SF3B1: variants seen among roughly 807,000 people sequenced by gnomAD.
SF3B1 encodes splicing factor 3b subunit 1.
SF3B1 carries 12 observed loss-of-function variants against 153.8 expected under a neutral mutation model. The observed-to-expected ratio is 0.08, with a 90% CI of 0.05 to 0.13. The LOEUF is 0.13. Ranked by LOEUF, SF3B1 falls within the 10% of genes least tolerant of loss-of-function variation. The probability of loss-of-function intolerance (pLI) is 1.00; values close to 1 mark genes in which losing one functional copy is unlikely to be tolerated. For missense variants in SF3B1, 513 were observed against 1,606.1 expected (o/e 0.32, Z 11.63); for synonymous variants, 498 against 525.2 (o/e 0.95, Z 0.71).
intron 5 of SF3B1, among the ~76,000 whole-genome samples, chr2:197,418,101 T>G (rs545260128): frequency 6.6e-6 from 1 of 151,494 alleles, no homozygotes; most frequent in Non-Finnish European, 1.5e-5. Context: ...CTAGGCATGG[T>G]GACACACACT....
chr2:197,418,947 G>C (rs1442698254), intron 4 of SF3B1: 1 of 1,599,208 alleles, frequency 6.3e-7, no homozygotes, highest in African/African-American at 1.3e-5. Context: ...CAGCAGAATA[G>C]AAGCCTAGAA....
In SF3B1 at chr2:197,432,264, G is replaced by T. The variant is rs574598964; in HGVS notation, c.28+2708C>A. Among the ~76,000 whole-genome samples the T allele has an allele frequency of 2.6e-5, 4 of 152,302 alleles. No individual in the cohort carries two copies. The South Asian group carries it at 6.2e-4, about 24-fold the overall frequency. Reference sequence around the variant, plus strand: ...ATGTCCCAAAAAATCTAATTCAAAGGATTAGTGGCAAAACAAGCTGATATG... The same window carrying T: ...ATGTCCCAAAAAATCTAATTCAAAGTATTAGTGGCAAAACAAGCTGATATG... On this transcript the variant is annotated intron_variant, in intron 1 of 24. Coordinates refer to ENST00000335508, the MANE Select transcript of SF3B1 (RefSeq NM_012433.4).
At chr2:197,416,446 G>T in intron 6 of SF3B1, 1 of 254,664 alleles carries the variant, frequency 3.9e-6, no homozygotes, top group Non-Finnish European at 7.4e-6. Flanking sequence ...GGGTCATGAG[G>T]GTGGGGCCCT....
rs35479143 is a variant in SF3B1 at position 197,415,981 on chromosome 2, A to AT, written c.666+759dup. ...AGGCATGCACCACTATGCCCAGCTA[A>AT]TTTTTTTTTTTTTTTTTGTAAAGAC... is the stretch of plus-strand genomic sequence containing the variant. On this transcript the variant is annotated intron_variant, in intron 6 of 24. Coordinates refer to ENST00000335508, the MANE Select transcript of SF3B1 (RefSeq NM_012433.4). 3.6e-3 allele frequency among the ~76,000 whole-genome samples: 495 copies of AT among 136,366 alleles called. 6 individuals carry two copies. In the South Asian group the frequency reaches 0.041, roughly 11 times the overall value. 89.5% of individuals were successfully genotyped at this position (136,366 alleles called of 152,430 possible).
At chr2:197,411,388 T>A (rs2085065318) in intron 6 of SF3B1, among the ~76,000 whole-genome samples, 1 of 151,978 alleles carries the variant, frequency 6.6e-6, no homozygotes, top group South Asian at 2.1e-4. Context: ...AGTTGGGAGC[T>A]CTTGGCCGGG....
intron 20 of SF3B1, 165 bp from the exon 21 acceptor site, chr2:197,398,746 T>C (rs989741910): frequency 1.4e-4 from 90 of 644,286 alleles, no homozygotes; most frequent in African/African-American, 1.1e-3. Flanking sequence ...CGTTTTTAAC[T>C]TTTATTAACA....
rs2084958023 is a variant in SF3B1, at chr2:197,403,568, T to C, written c.1719+17A>G. ...TAAAACTTTAAACTATCAGAAACAC[T>C]ATTAAGGAGAACAAACCTTATGCAC... On this transcript the variant is annotated intron_variant, in intron 12 of 24. Coordinates refer to ENST00000335508, the MANE Select transcript of SF3B1 (RefSeq NM_012433.4). The C allele has an allele frequency of 7.3e-6, 11 of 1,509,520 alleles. No homozygotes were observed. Among genetic ancestry groups the C allele is most frequent in the Non-Finnish European group, 8.9e-6 (10 of 1,128,272 alleles). The allele number at this position is 1,509,520 out of a possible 1,614,324, so 93.5% of individuals were successfully genotyped here.
Position 197,410,747 on chromosome 2 carries a change from A to G in SF3B1, c.667-740T>C, listed in dbSNP as rs1296845609. On this transcript the variant is annotated intron_variant, in intron 6 of 24. Coordinates refer to ENST00000335508, the MANE Select transcript of SF3B1 (RefSeq NM_012433.4). ...TCTCGAACTCCTGACCTCGTGATCC[A>G]CCCACCTTGGCCTCCCAAAGTGCTG... 3.3e-5 allele frequency among the ~76,000 whole-genome samples: 5 copies of G among 151,806 alleles called. No homozygotes were observed. The East Asian group carries it at 9.7e-4, about 29-fold the overall frequency.
rs1233697497 is a variant in SF3B1 at position 197,401,906 on chromosome 2, A to T, written c.2224-18T>A. On this transcript the variant is annotated intron_variant, in intron 15 of 24. Transcript: ENST00000335508. This position sits in a 1 kb window ranked among gnomAD's most constrained non-coding sequence, Gnocchi z 4.2. Reference sequence around the variant, plus strand: ...GCCAAACCCTATTTTTAAATAAAAAATATATGTACTTTAGTAATTTAGATT... The same window carrying T: ...GCCAAACCCTATTTTTAAATAAAAATTATATGTACTTTAGTAATTTAGATT... The T allele has an allele frequency of 6.3e-6, 10 of 1,584,574 alleles. 1 individual carries two copies. The African/African-American group carries it at 9.6e-5, about 15-fold the overall frequency.
chr2:197,397,850 G>A, intron 22 of SF3B1, 135 bp downstream of exon 22: 1 of 559,694 alleles, frequency 1.8e-6, no homozygotes, highest in South Asian at 3.3e-5. Flanking sequence ...AAGGTCAGTG[G>A]TTAAATGAAG....
chr2:197,391,441 G>T lies in SF3B1; in HGVS notation c.*862C>A, dbSNP rs1176760207. The T allele has an allele frequency of 1.3e-5, 2 of 152,196 alleles. No homozygotes were observed. Among genetic ancestry groups the T allele is most frequent in the Non-Finnish European group, 2.9e-5 (2 of 68,046 alleles). 9.4% of individuals were successfully genotyped at this position (152,196 alleles called of 1,614,324 possible). ...TGGCTGGCATACAGTGGGTGAATAGGTATTTACTGATGCATTGCTGAGTAG... is the reference window on the plus strand; with the variant it reads ...TGGCTGGCATACAGTGGGTGAATAGTTATTTACTGATGCATTGCTGAGTAG... On this transcript the variant is annotated 3_prime_UTR_variant, in exon 25 of 25. Coordinates refer to ENST00000335508, the MANE Select transcript of SF3B1 (RefSeq NM_012433.4).
chr2:197,399,954 C>G, intron 20 of SF3B1, 101 bp downstream of exon 20: 2 of 803,692 alleles, frequency 2.5e-6, no homozygotes, highest in Admixed American at 5.6e-5. Flanking sequence ...AAAAAGCTAA[C>G]AAAAACCTCC....
At chr2:197,397,633 T>TA (rs1425228946) in intron 22 of SF3B1, among the ~76,000 whole-genome samples, 1 of 151,930 alleles carries the variant, frequency 6.6e-6, no homozygotes, top group Non-Finnish European at 1.5e-5. Context: ...TCATCTCTAC[T>TA]AAAAAATACA....
In SF3B1 at chr2:197,391,112, C is replaced by T. The variant is rs1296121429; in HGVS notation, c.*1191G>A. The T allele has an allele frequency of 6.6e-6, 1 of 152,078 alleles. No individual in the cohort carries two copies. The highest frequency in any genetic ancestry group is 1.9e-4 in the East Asian group (1 of 5,202). The allele number at this position is 152,078 out of a possible 1,614,324, so 9.4% of individuals were successfully genotyped here. ...AAAACTAAGAAATTTGGGGCCATAA[C>T]ATTAGAAAAGTTTGAAAATATACTT... is the stretch of plus-strand genomic sequence containing the variant. On this transcript the variant is annotated 3_prime_UTR_variant, in exon 25 of 25. Transcript: ENST00000335508.
intron 12 of SF3B1, 22 bp from the exon 13 acceptor site, chr2:197,403,057 A>C (rs1415035780): frequency 2.4e-5 from 36 of 1,515,072 alleles, no homozygotes; most frequent in Middle Eastern, 1.8e-4. Context: ...AAAAGAGAAG[A>C]AGCTACACTT....
At position 197,398,387 on chromosome 2, in the gene SF3B1, T is replaced by C. The variant is rs1051883528; in HGVS notation, c.3134+74A>G. The C allele has an allele frequency of 3.4e-6, 5 of 1,487,728 alleles. No individual in the cohort carries two copies. In the African/African-American group the frequency reaches 4.2e-5, roughly 12 times the overall value. The allele number at this position is 1,487,728 out of a possible 1,614,324, so 92.2% of individuals were successfully genotyped here. Reference sequence around the variant, plus strand: ...TTATATTAGTGACATTAAGGAAATTTTGCTAATTGAATACAAAGTGGCCAA... The same window carrying C: ...TTATATTAGTGACATTAAGGAAATTCTGCTAATTGAATACAAAGTGGCCAA... On this transcript the variant is annotated intron_variant, in intron 21 of 24. Transcript: ENST00000335508.
At chr2:197,430,109 G>A (rs1328238148) in intron 1 of SF3B1, among the ~76,000 whole-genome samples, 1 of 152,154 alleles carries the variant, frequency 6.6e-6, no homozygotes, top group Non-Finnish European at 1.5e-5. Flanking sequence ...ACTGTGAAAT[G>A]AAAAAGATAT....
Position 197,428,075 on chromosome 2 carries a change from A to T in SF3B1, c.29-4101T>A, listed in dbSNP as rs186842546. ...AGGTAATGAGGCTGGGCACTTTGGG[A>T]TGCCCAGGCAGGCAGATCACTTGAG... On this transcript the variant is annotated intron_variant, in intron 1 of 24. Transcript: ENST00000335508. 4.3e-3 allele frequency among the ~76,000 whole-genome samples: 649 copies of T among 152,172 alleles called. 6 individuals carry two copies. Among genetic ancestry groups the T allele is most frequent in the African/African-American group, 0.015 (622 of 41,504 alleles).
intron 2 of SF3B1, among the ~76,000 whole-genome samples, chr2:197,421,956 G>A (rs1559276466): frequency 6.6e-6 from 1 of 151,908 alleles, no homozygotes. Context: ...CTTTGGTCTG[G>A]GCAACAGAGC....
Sources: allele counts gnomAD v4.1 joint callset (sites outside exome capture counted in the v4.1 genomes callset), GRCh38; gene constraint gnomAD v4.1.1; non-coding constraint Gnocchi (gnomAD v3.1); transcripts MANE v1.5; gene names NCBI Gene and HGNC (gene_info 2026-07-23, HGNC 2026-07-21).